GABPB2: variants seen among roughly 807,000 people sequenced by gnomAD.
GABPB2 encodes the protein GA-binding protein subunit beta-2.
GABPB2 carries 23 observed loss-of-function variants against 39.1 expected under a neutral mutation model. The ratio of observed to expected loss-of-function variants is 0.59; its 90% confidence interval spans 0.42 to 0.83. The LOEUF is 0.83. Ranked by LOEUF, GABPB2 falls within the 40% of genes least tolerant of loss-of-function variation. The probability of loss-of-function intolerance (pLI) is 0.00; values close to 1 mark genes in which losing one functional copy is unlikely to be tolerated. For missense variants in GABPB2, 467 were observed against 541.1 expected (o/e 0.86, Z 1.36); for synonymous variants, 184 against 199.3 (o/e 0.92, Z 0.65).
chr1:151,109,364 A>ATTTTTT (rs56324886), intron 7 of GABPB2, among the ~76,000 whole-genome samples: 2 of 112,394 alleles, frequency 1.8e-5, no homozygotes, highest in Non-Finnish European at 3.4e-5. Flanking sequence ...ATATATATAT[A>ATTTTTT]TTTTTTTTTT....
At chr1:151,114,349 A>T (rs1680691588) in intron 7 of GABPB2, among the ~76,000 whole-genome samples, 1 of 143,276 alleles carries the variant, frequency 7.0e-6, no homozygotes, top group African/African-American at 2.9e-5. Context: ...TCTCATAATA[A>T]ATAAATAAAT....
intron 7 of GABPB2, among the ~76,000 whole-genome samples, chr1:151,107,676 C>T (rs1680080669): frequency 6.6e-6 from 1 of 152,138 alleles, no homozygotes; most frequent in Admixed American, 6.6e-5. Flanking sequence ...CGGCTCACGG[C>T]TGTAATCCCA....
At chr1:151,088,455 T>C (rs1292324404) in intron 2 of GABPB2, 158 bp downstream of exon 2, 1 of 1,375,670 alleles carries the variant, frequency 7.3e-7, no homozygotes, top group Admixed American at 2.3e-5. Flanking sequence ...ATATGTGGTT[T>C]TCTTTTTCTT....
intron 1 of GABPB2, among the ~76,000 whole-genome samples, chr1:151,081,510 A>G (rs1677692431): frequency 6.6e-6 from 1 of 152,016 alleles, no homozygotes; most frequent in Non-Finnish European, 1.5e-5. Context: ...AAAAGAAACA[A>G]AGAAACAAAC....
intron 5 of GABPB2, among the ~76,000 whole-genome samples, chr1:151,100,444 AT>A (rs1212260885): frequency 6.6e-6 from 1 of 150,546 alleles, no homozygotes; most frequent in African/African-American, 2.4e-5. Context: ...CACCCAGCTA[AT>A]TTTTTTGTAG....
intron 7 of GABPB2, among the ~76,000 whole-genome samples, chr1:151,116,415 AAAC>A (rs1405962617): frequency 2.0e-5 from 3 of 151,574 alleles, no homozygotes; most frequent in Non-Finnish European, 4.4e-5. Flanking sequence ...AAAAAAAAAA[AAAC>A]AACTTTTAGC....
At position 151,083,654 on chromosome 1, in the gene GABPB2, A is replaced by AAT. The variant is rs1553261635; in HGVS notation, c.1-4536_1-4535insAT. On this transcript the variant is annotated intron_variant, in intron 1 of 8. Coordinates refer to ENST00000368918, the MANE Select transcript of GABPB2 (RefSeq NM_144618.3). ...GTCTCTATAGAGAGAAAAAAAAAAA[A>AAT]TTATATATATATATATGTATATATA... is the stretch of plus-strand genomic sequence containing the variant. Among the ~76,000 whole-genome samples, 461 of 145,398 alleles carry AAT rather than the reference A, an allele frequency of 3.2e-3. 5 individuals are homozygous for AAT. The highest frequency in any genetic ancestry group is 0.012 in the African/African-American group (432 of 37,410).
At chr1:151,080,548 T>TAAAA (rs1162493557) in intron 1 of GABPB2, among the ~76,000 whole-genome samples, 7 of 144,336 alleles carry the variant, frequency 4.8e-5, no homozygotes, top group Admixed American at 1.4e-4. Context: ...AATAAATAAA[T>TAAAA]AAAATAAAAA....
chr1:151,110,624 C>G (rs888754380), intron 7 of GABPB2, among the ~76,000 whole-genome samples: 2 of 152,002 alleles, frequency 1.3e-5, no homozygotes, highest in Non-Finnish European at 2.9e-5. Context: ...CCACACCCAG[C>G]TAATTTTTTA....
At position 151,107,215 on chromosome 1, in the gene GABPB2, A is replaced by G; in HGVS notation, c.915A>G (p.Gly305=). The G allele has an allele frequency of 6.3e-7, 1 of 1,576,078 alleles. No homozygotes were observed. Among genetic ancestry groups the G allele is most frequent in the Non-Finnish European group, 8.6e-7 (1 of 1,163,394 alleles). Residue 305 remains glycine (G), a synonymous_variant, in exon 7 of 9, where the codon GGA becomes GGG. Coordinates refer to ENST00000368918, the MANE Select transcript of GABPB2 (RefSeq NM_144618.3). ...GQPFIVTVQD[G]QQVLTVPAGK... ...CATTTATTGTAACTGTGCAAGATGG[A>G]CAGCAAGGTGAGTTATCTCTTGTAG...
intron 2 of GABPB2, 101 bp from the exon 3 acceptor site, chr1:151,090,305 T>A (rs1678561830): frequency 8.7e-7 from 1 of 1,143,474 alleles, no homozygotes; most frequent in Non-Finnish European, 1.2e-6. Flanking sequence ...CCAGATTCTC[T>A]CTTGAAGGAC....
At chr1:151,071,451 C>CACTTTT (rs1464647244) in intron 1 of GABPB2, among the ~76,000 whole-genome samples, 1 of 10,894 alleles carries the variant, frequency 9.2e-5, no homozygotes, top group Non-Finnish European at 2.3e-4. Context: ...TGCTTTTTTG[C>CACTTTT]TCTTTTTTTT....
intron 2 of GABPB2, among the ~76,000 whole-genome samples, chr1:151,090,002 A>G (rs369525107): frequency 6.1e-4 from 93 of 152,016 alleles, no homozygotes; most frequent in African/African-American, 2.1e-3. Context: ...CAGTGGCACA[A>G]TCTCAGCTCA....
intron 4 of GABPB2, among the ~76,000 whole-genome samples, 180 bp from the exon 5 acceptor site, chr1:151,097,672 G>A (rs1311225042): frequency 2.0e-5 from 3 of 151,926 alleles, no homozygotes; most frequent in Non-Finnish European, 2.9e-5. Context: ...CCAGCTGCTC[G>A]GGAGGGTGAG....
At chr1:151,110,971 T>G (rs1384288366) in intron 7 of GABPB2, among the ~76,000 whole-genome samples, 3 of 152,156 alleles carry the variant, frequency 2.0e-5, no homozygotes, top group Non-Finnish European at 2.9e-5. Context: ...AAATCTTCTG[T>G]TTTTTTGTTT....
chr1:151,083,239 CTT>C (rs1458313695), intron 1 of GABPB2, among the ~76,000 whole-genome samples: 1 of 152,140 alleles, frequency 6.6e-6, no homozygotes, highest in Admixed American at 6.6e-5. Context: ...TCAGGAAAGT[CTT>C]TAATGTGAGT....
intron 1 of GABPB2, among the ~76,000 whole-genome samples, chr1:151,080,234 A>C (rs938817552): frequency 6.9e-6 from 1 of 144,984 alleles, no homozygotes; most frequent in Non-Finnish European, 1.5e-5. Flanking sequence ...AAAAAAAAAA[A>C]AAAAAAAAAA....
intron 1 of GABPB2, among the ~76,000 whole-genome samples, chr1:151,074,891 A>T (rs972366867): frequency 2.0e-5 from 3 of 152,136 alleles, no homozygotes; most frequent in Non-Finnish European, 4.4e-5. Context: ...AGTGGCTCAC[A>T]CCACTTTGGG....
chr1:151,085,623 T>A (rs1037295715), intron 1 of GABPB2, among the ~76,000 whole-genome samples: 7 of 151,782 alleles, frequency 4.6e-5, no homozygotes, highest in African/African-American at 1.5e-4. Context: ...ATATATATAT[T>A]TTGTATTTTT....
Sources: allele counts gnomAD v4.1 joint callset (sites outside exome capture counted in the v4.1 genomes callset), GRCh38; gene constraint gnomAD v4.1.1; transcripts MANE v1.5; gene names NCBI Gene and HGNC (gene_info 2026-07-23, HGNC 2026-07-21).